Variants in UNC5C observed in about 807,000 individuals in gnomAD.
The protein encoded by UNC5C is unc-5 netrin receptor C, also known as netrin receptor UNC5C.
UNC5C carries 47 observed loss-of-function variants against 99.8 expected under a neutral mutation model. The observed-to-expected ratio is 0.47, with a 90% confidence interval of 0.37 to 0.60. The LOEUF (loss-of-function observed/expected upper bound fraction) is 0.60, where lower values mean the gene tolerates loss of function less well. Among genes scored for constraint, UNC5C ranks in the 20% least tolerant of loss-of-function variants. The pLI, the probability that UNC5C is intolerant of heterozygous loss-of-function variation, is 0.00. For synonymous variants in UNC5C, 487 were observed against 452.2 expected, an observed-to-expected ratio of 1.08 and a Z score of -0.98; for missense variants, 1,062 against 1,165.9, an observed-to-expected ratio of 0.91 and a Z score of 1.30.
chr4:95,331,987 A>C (rs1447448896), intron 2 of UNC5C, among the ~76,000 whole-genome samples: 2 of 152,142 alleles, frequency 1.3e-5, no homozygotes, highest in African/African-American at 4.8e-5. Context: ...CAAAGAGAAT[A>C]AAATACCTAG....
At chr4:95,198,092 A>C (rs1488888753) in intron 12 of UNC5C, among the ~76,000 whole-genome samples, 1 of 148,806 alleles carries the variant, frequency 6.7e-6, no homozygotes, top group African/African-American at 2.5e-5. Context: ...GGTTCAAGCA[A>C]CTCTCCCACC....
chr4:95,342,086 A>G (rs569205195), intron 1 of UNC5C, among the ~76,000 whole-genome samples: 7 of 152,278 alleles, frequency 4.6e-5, no homozygotes, highest in Non-Finnish European at 7.4e-5. Context: ...TCTAGGCCAC[A>G]AAGACTACAA....
At chr4:95,192,250 C>T (rs1737158550) in intron 12 of UNC5C, among the ~76,000 whole-genome samples, 1 of 144,608 alleles carries the variant, frequency 6.9e-6, no homozygotes, top group Non-Finnish European at 1.5e-5. Context: ...CTCCCCTGTT[C>T]ACCCTCCTTT....
intron 7 of UNC5C, among the ~76,000 whole-genome samples, chr4:95,239,707 T>G (rs1035026266): frequency 1.3e-5 from 2 of 152,216 alleles, no homozygotes; most frequent in African/African-American, 2.4e-5. Flanking sequence ...CTACTAAGTT[T>G]GCAATATTTT....
At chr4:95,227,085 A>G (rs1019081737) in intron 7 of UNC5C, among the ~76,000 whole-genome samples, 1 of 151,778 alleles carries the variant, frequency 6.6e-6, no homozygotes, top group Non-Finnish European at 1.5e-5. Context: ...CTTTTTCAAG[A>G]GCAGTGCTTT....
intron 3 of UNC5C, among the ~76,000 whole-genome samples, chr4:95,301,195 A>ATTT (rs34905310): frequency 0.043 from 5,416 of 125,752 alleles, 254 homozygotes; most frequent in Middle Eastern, 0.066. Context: ...TTTTTCCAGG[A>ATTT]TTTTTTTTTT....
intron 9 of UNC5C, among the ~76,000 whole-genome samples, chr4:95,217,526 C>A (rs1738293960): frequency 6.6e-6 from 1 of 152,076 alleles, no homozygotes; most frequent in Non-Finnish European, 1.5e-5. Flanking sequence ...AGGGATGAAA[C>A]AGCATTATGA....
chr4:95,203,612 G>C (rs1325733098), intron 11 of UNC5C, among the ~76,000 whole-genome samples: 1 of 152,038 alleles, frequency 6.6e-6, no homozygotes, highest in African/African-American at 2.4e-5. Flanking sequence ...TGGGACCACA[G>C]GTGTGTGCAA....
intron 4 of UNC5C, among the ~76,000 whole-genome samples, chr4:95,262,132 G>A (rs1740261076): frequency 6.6e-6 from 1 of 152,200 alleles, no homozygotes; most frequent in Non-Finnish European, 1.5e-5. Flanking sequence ...CACCAGATAA[G>A]GGAATAATTG....
In UNC5C at chr4:95,229,797, C is replaced by CTTTTTTTTTTTT. The variant is rs71583694; in HGVS notation, c.1109-9633_1109-9622dup. On this transcript the variant is annotated intron_variant, in intron 7 of 15. Transcript: ENST00000453304. The stretch of plus-strand genomic sequence containing the variant: ...TATCCTCCCCAGAATCTGTTGTTTC[C>CTTTTTTTTTTTT]TTTTTTTTTTTTTTTTTTTTTTTTT... Among the ~76,000 whole-genome samples, 7 of 79,534 alleles carry CTTTTTTTTTTTT rather than the reference C, an allele frequency of 8.8e-5. 1 individual carries two copies. Among genetic ancestry groups the CTTTTTTTTTTTT allele is most frequent in the African/African-American group, 3.8e-4 (6 of 15,970 alleles). 52.2% of individuals were successfully genotyped at this position (79,534 alleles called of 152,430 possible).
At chr4:95,400,384 CT>C (rs1171870515) in intron 1 of UNC5C, among the ~76,000 whole-genome samples, 404 of 65,760 alleles carry the variant, frequency 6.1e-3, no homozygotes, top group African/African-American at 0.02. Flanking sequence ...GAGATGAATT[CT>C]TTTTTTTTTT....
chr4:95,256,358 T>C (rs1005585405), intron 4 of UNC5C, among the ~76,000 whole-genome samples: 1 of 152,102 alleles, frequency 6.6e-6, no homozygotes, highest in African/African-American at 2.4e-5. Flanking sequence ...CTCACAGTCT[T>C]ATGCACCTCA....
chr4:95,330,858 G>A (rs769423100), intron 2 of UNC5C, among the ~76,000 whole-genome samples: 1 of 151,942 alleles, frequency 6.6e-6, no homozygotes, highest in Admixed American at 6.6e-5. Flanking sequence ...AGTATAATTT[G>A]TTGCATGAAT....
chr4:95,185,262 T>C, intron 12 of UNC5C, 66 bp from the exon 13 acceptor site: 1 of 1,518,272 alleles, frequency 6.6e-7, no homozygotes, highest in Non-Finnish European at 8.8e-7. Context: ...AGCTCTCTCA[T>C]TGAATAAGTT....
At chr4:95,414,095 C>G (rs1181121943) in intron 1 of UNC5C, among the ~76,000 whole-genome samples, 1 of 152,138 alleles carries the variant, frequency 6.6e-6, no homozygotes, top group East Asian at 1.9e-4. Context: ...TTAATTTATT[C>G]AATAGCTCAA....
chr4:95,410,139 TG>T (rs1249255455), intron 1 of UNC5C, among the ~76,000 whole-genome samples: 1 of 152,172 alleles, frequency 6.6e-6, no homozygotes, highest in Admixed American at 6.5e-5. Flanking sequence ...TACCCCAGCC[TG>T]TAAGGAGGGT....
chr4:95,300,822 G>A (rs1452641287), intron 3 of UNC5C, among the ~76,000 whole-genome samples: 5 of 152,134 alleles, frequency 3.3e-5, no homozygotes, highest in Non-Finnish European at 7.4e-5. Flanking sequence ...TTTGCGGGGA[G>A]GTGGGGATGA....
intron 5 of UNC5C, among the ~76,000 whole-genome samples, chr4:95,245,600 C>T (rs1267363124): frequency 1.3e-5 from 2 of 152,170 alleles, no homozygotes; most frequent in African/African-American, 4.8e-5. Context: ...GTAAACTTTA[C>T]AACGTTTTAA....
intron 1 of UNC5C, among the ~76,000 whole-genome samples, chr4:95,342,654 T>A (rs1182517945): frequency 4.0e-5 from 6 of 150,362 alleles, no homozygotes; most frequent in Admixed American, 3.3e-4. Context: ...GAGGGAAGAG[T>A]AAAAGGGAGT....
Sources: gnomAD v4.1 joint callset for allele counts (sites outside exome capture counted in the v4.1 genomes callset) on GRCh38, gnomAD v4.1.1 for gene constraint, MANE v1.5 for transcripts, NCBI Gene and HGNC (gene_info 2026-07-23, HGNC 2026-07-21) for gene names.